PDE4D: variants seen among roughly 807,000 people sequenced by gnomAD.
The protein encoded by PDE4D is phosphodiesterase 4D, also known as 3',5'-cyclic-AMP phosphodiesterase 4D.
A neutral mutation model predicts 87.4 loss-of-function variants in PDE4D; 24 were observed. That is an observed-to-expected ratio of 0.27 (90% CI 0.20 to 0.39). The LOEUF (loss-of-function observed/expected upper bound fraction) is 0.39, where lower values mean the gene tolerates loss of function less well. PDE4D is among the 10% of genes least tolerant of loss of function. The pLI is 1.00. For missense variants in PDE4D, 714 were observed against 1,041.0 expected, an observed-to-expected ratio of 0.69 and a Z score of 4.32; for synonymous variants, 384 against 383.2, an observed-to-expected ratio of 1.00 and a Z score of -0.02.
intron 1 of PDE4D, among the ~76,000 whole-genome samples, chr5:60,242,192 C>T (rs547231612): frequency 6.6e-6 from 1 of 151,866 alleles, no homozygotes; most frequent in Admixed American, 6.6e-5. Context: ...TATACTTAGA[C>T]AAAATAGACT....
chr5:60,212,665 C>T (rs934427102), intron 1 of PDE4D, among the ~76,000 whole-genome samples: 7 of 152,174 alleles, frequency 4.6e-5, no homozygotes, highest in African/African-American at 7.2e-5. Flanking sequence ...AAGGTTTAAC[C>T]CGATTGCACC....
intron 5 of PDE4D, among the ~76,000 whole-genome samples, chr5:59,060,317 G>A (rs1488123889): frequency 6.6e-6 from 1 of 152,020 alleles, no homozygotes; most frequent in African/African-American, 2.4e-5. Flanking sequence ...GATTTTACAT[G>A]AAGGAGAAAT....
intron 1 of PDE4D, among the ~76,000 whole-genome samples, chr5:60,518,146 T>C (rs928323739): frequency 4.6e-5 from 7 of 152,212 alleles, no homozygotes; most frequent in Non-Finnish European, 7.4e-5. Context: ...CTGCCTGCCC[T>C]GCTTCAGCTG....
At chr5:59,798,371 T>A (rs1376321996) in intron 1 of PDE4D, among the ~76,000 whole-genome samples, 1 of 151,196 alleles carries the variant, frequency 6.6e-6, no homozygotes. Flanking sequence ...AAATTTTTTT[T>A]AAAAGCTATT....
At chr5:59,875,131 G>C (rs113566312) in intron 1 of PDE4D, among the ~76,000 whole-genome samples, 6 of 152,220 alleles carry the variant, frequency 3.9e-5, no homozygotes, top group African/African-American at 1.4e-4. Context: ...AAGATAAACT[G>C]TCCTTTGTTC....
At position 59,592,167 on chromosome 5, in the gene PDE4D, T is replaced by C. The variant is rs139540129; in HGVS notation, c.455+301001A>G. On this transcript the variant is annotated intron_variant, in intron 1 of 14. Coordinates refer to ENST00000340635, the MANE Select transcript of PDE4D (RefSeq NM_001104631.2). ...AGCCAATCCCCCAGGAACAGAACAG[T>C]GTCTTCTTCTCTATATTTATAACAC... The C allele has an allele frequency of 9.9e-4, 972 of 980,980 alleles. 13 individuals are homozygous for C. The African/African-American group carries it at 0.016, about 16-fold the overall frequency. The allele number at this position is 980,980 out of a possible 1,614,324, so 60.8% of individuals were successfully genotyped here. A position where few individuals can be genotyped will look rare whatever the true frequency, so the allele number is the denominator to read the frequency against.
At chr5:59,752,927 C>T (rs953975686) in intron 1 of PDE4D, among the ~76,000 whole-genome samples, 11 of 152,094 alleles carry the variant, frequency 7.2e-5, no homozygotes, top group African/African-American at 2.2e-4. Context: ...GGGCAGGGAT[C>T]GGCAAATTAC....
chr5:59,228,748 C>T (rs966831554), intron 1 of PDE4D, among the ~76,000 whole-genome samples: 1 of 152,054 alleles, frequency 6.6e-6, no homozygotes, highest in Admixed American at 6.6e-5. Context: ...GGTTTAAGGC[C>T]CTCAGTGACC....
intron 3 of PDE4D, among the ~76,000 whole-genome samples, chr5:59,900,912 T>G (rs1261261793): frequency 6.6e-6 from 1 of 152,128 alleles, no homozygotes; most frequent in Non-Finnish European, 1.5e-5. Flanking sequence ...TCTTATAGTT[T>G]GAGATGATGA....
chr5:60,315,466 G>C (rs1472924671), intron 1 of PDE4D, among the ~76,000 whole-genome samples: 2 of 152,034 alleles, frequency 1.3e-5, no homozygotes, highest in East Asian at 1.9e-4. Context: ...AGTTTCTTTT[G>C]CTGTGCAGAA....
At chr5:59,408,545 G>A (rs146651597) in intron 1 of PDE4D, among the ~76,000 whole-genome samples, 323 of 152,318 alleles carry the variant, frequency 2.1e-3, no homozygotes, top group African/African-American at 7.5e-3. Context: ...GGAACTGTGG[G>A]AAGGAAGCCA....
At chr5:60,129,242 T>A (rs1200967611) in intron 2 of PDE4D, among the ~76,000 whole-genome samples, 1 of 152,212 alleles carries the variant, frequency 6.6e-6, no homozygotes, top group Admixed American at 6.5e-5. Flanking sequence ...CGAGGAATCT[T>A]TATAGAAAAC....
chr5:59,641,549 G>A (rs1370037598), intron 1 of PDE4D, among the ~76,000 whole-genome samples: 1 of 152,092 alleles, frequency 6.6e-6, no homozygotes, highest in East Asian at 1.9e-4. Flanking sequence ...CTTAAAAAAT[G>A]TAAAAACATT....
At chr5:59,881,408 A>G (rs1404935241) in intron 1 of PDE4D, among the ~76,000 whole-genome samples, 2 of 152,124 alleles carry the variant, frequency 1.3e-5, no homozygotes, top group Non-Finnish European at 2.9e-5. Context: ...CAACATCATC[A>G]TCCTGGCAAT....
chr5:59,466,081 T>C (rs115394775), intron 1 of PDE4D, among the ~76,000 whole-genome samples: 3,124 of 152,296 alleles, frequency 0.021, 125 homozygotes, highest in African/African-American at 0.071. Context: ...GAAATTACTT[T>C]TGAATGCTGG....
At chr5:59,614,765 C>A (rs887968882) in intron 1 of PDE4D, among the ~76,000 whole-genome samples, 3 of 151,836 alleles carry the variant, frequency 2.0e-5, no homozygotes, top group Non-Finnish European at 4.4e-5. Context: ...AGGCATTTAT[C>A]TGTAAATTGA....
intron 1 of PDE4D, among the ~76,000 whole-genome samples, chr5:60,393,364 A>G (rs955087846): frequency 1.3e-5 from 2 of 152,186 alleles, no homozygotes; most frequent in Admixed American, 6.5e-5. Context: ...ATTGTGTCCA[A>G]TACTTGAGGT....
At chr5:60,009,184 C>T (rs528886035) in intron 2 of PDE4D, among the ~76,000 whole-genome samples, 11 of 152,088 alleles carry the variant, frequency 7.2e-5, no homozygotes, top group Admixed American at 3.3e-4. Flanking sequence ...TTTTATCAAA[C>T]GTTGAAATTC....
chr5:59,682,857 C>G (rs1179068200), intron 1 of PDE4D, among the ~76,000 whole-genome samples: 3 of 152,114 alleles, frequency 2.0e-5, no homozygotes. Flanking sequence ...GTGTACAAAA[C>G]AATTGGCATG....
Sources: allele counts gnomAD v4.1 joint callset (sites outside exome capture counted in the v4.1 genomes callset), GRCh38; gene constraint gnomAD v4.1.1; transcripts MANE v1.5; gene names NCBI Gene and HGNC (gene_info 2026-07-23, HGNC 2026-07-21).